PELI1: variants seen among roughly 807,000 people sequenced by gnomAD.
PELI1 encodes the protein E3 ubiquitin-protein ligase pellino homolog 1.
Under a neutral mutation model 41.3 loss-of-function variants are expected in PELI1, and 15 were observed. That is an observed-to-expected ratio of 0.36 (90% CI 0.24 to 0.56). The LOEUF (loss-of-function observed/expected upper bound fraction) is 0.56, where lower values mean the gene tolerates loss of function less well. Ranked by LOEUF, PELI1 falls within the 20% of genes least tolerant of loss-of-function variation. PELI1 has a pLI of 0.82. For synonymous variants in PELI1, 178 were observed against 180.1 expected (o/e 0.99, Z 0.09); for missense variants, 403 against 525.5 (o/e 0.77, Z 2.28).
chr2:64,095,167 G>C lies in PELI1; in HGVS notation c.792C>G (p.Thr264=). Reference sequence around the variant, plus strand: ...GTCTTAAAGCTTCTAAATGCTTCACGGTAGGAGTGTGGGAAAGGCCTTCTG... The same window carrying C: ...GTCTTAAAGCTTCTAAATGCTTCACCGTAGGAGTGTGGGAAAGGCCTTCTG... ...RTAEGLSHTP[T]VKHLEALRQE... is the part of the protein sequence containing the mutation. The change falls in exon 7 of 7, where the codon ACC becomes ACG. Residue 264 remains threonine (T), a synonymous_variant. Transcript: ENST00000358912. 4.3e-6 allele frequency: 7 copies of C among 1,614,030 alleles called. No homozygotes were observed. Among genetic ancestry groups the C allele is most frequent in the East Asian group, 2.2e-5 (1 of 44,882 alleles).
intron 1 of PELI1, among the ~76,000 whole-genome samples, chr2:64,116,817 T>C (rs1271730251): frequency 2.0e-5 from 3 of 152,232 alleles, no homozygotes; most frequent in African/African-American, 7.2e-5. Context: ...CAACCCTGCA[T>C]GGCCAAGTCT....
chr2:64,100,478 G>A lies in PELI1; in HGVS notation c.223C>T (p.His75Tyr), dbSNP rs1213965692. Reference protein sequence around the residue: ...AAKAISNKDQHSISYTLSRAQ... With the variant: ...AAKAISNKDQYSISYTLSRAQ... ...CGAGATAAAGTATATGATATGCTAT[G>A]CTGGTCTTTGTTGCTTATTGCCTAA... Residue 75 changes from histidine to tyrosine, a missense_variant, in exon 4 of 7, where the codon CAT becomes TAT. Coordinates refer to ENST00000358912, the MANE Select transcript of PELI1 (RefSeq NM_020651.4). 1 of 1,581,422 alleles carries A rather than the reference G, an allele frequency of 6.3e-7. No homozygotes were observed. Among genetic ancestry groups the A allele is most frequent in the South Asian group, 1.1e-5 (1 of 90,188 alleles).
chr2:64,110,247 GAA>G (rs796716135), intron 1 of PELI1, among the ~76,000 whole-genome samples: 4,887 of 100,676 alleles, frequency 0.049, 67 homozygotes, highest in Non-Finnish European at 0.072. Context: ...TCCGTCTCAA[GAA>G]AAAAAAAAAA....
At chr2:64,109,456 G>A (rs889630635) in intron 1 of PELI1, among the ~76,000 whole-genome samples, 1 of 151,954 alleles carries the variant, frequency 6.6e-6, no homozygotes, top group African/African-American at 2.4e-5. Flanking sequence ...CGAGGCAGGC[G>A]GATCACTTGA....
intron 1 of PELI1, among the ~76,000 whole-genome samples, chr2:64,119,745 T>C (rs1034946354): frequency 2.0e-5 from 3 of 151,978 alleles, no homozygotes; most frequent in Non-Finnish European, 2.9e-5. Context: ...CCAGAAAGAG[T>C]ATGATATTCC....
At chr2:64,138,711 G>C (rs1218657820) in intron 1 of PELI1, among the ~76,000 whole-genome samples, 1 of 152,126 alleles carries the variant, frequency 6.6e-6, no homozygotes, top group Non-Finnish European at 1.5e-5. Context: ...TGGGTGATGA[G>C]AGCAGAACTC....
In PELI1 at chr2:64,104,502, A is replaced by T. The variant is rs572489644; in HGVS notation, c.201+199T>A. On this transcript the variant is annotated intron_variant, in intron 3 of 6. Transcript: ENST00000358912. The stretch of plus-strand genomic sequence containing the variant: ...TTCCACCCACTGATCCTGGTTTGTC[A>T]TTTTTTTTTTAAAAGTCCAATTCCC... The T allele has an allele frequency of 2.2e-5, 16 of 717,640 alleles. No homozygotes were observed. The East Asian group carries it at 2.9e-4, about 13-fold the overall frequency. 44.5% of individuals were successfully genotyped at this position (717,640 alleles called of 1,614,324 possible). A position where few individuals can be genotyped will look rare whatever the true frequency, so the allele number is the denominator to read the frequency against.
chr2:64,096,064 C>G (rs771906733), intron 6 of PELI1, 61 bp downstream of exon 6: 53 of 1,136,552 alleles, frequency 4.7e-5, no homozygotes, highest in Admixed American at 2.8e-4. Flanking sequence ...GTAATGCATT[C>G]AGTTCTACTC....
chr2:64,097,959 C>T (rs893727989), intron 4 of PELI1, among the ~76,000 whole-genome samples: 1 of 151,734 alleles, frequency 6.6e-6, no homozygotes, highest in African/African-American at 2.4e-5. Flanking sequence ...AAAAAATATT[C>T]CCCCAAATAA....
intron 1 of PELI1, among the ~76,000 whole-genome samples, chr2:64,127,067 T>G (rs753406516): frequency 2.0e-5 from 3 of 152,188 alleles, no homozygotes; most frequent in African/African-American, 4.8e-5. Context: ...AAGAAAAATC[T>G]CTTTATACTC....
intron 1 of PELI1, among the ~76,000 whole-genome samples, chr2:64,139,846 A>T (rs1681840061): frequency 6.6e-6 from 1 of 152,212 alleles, no homozygotes; most frequent in South Asian, 2.1e-4. Context: ...AGTTTTCTAA[A>T]CACAGCACTC....
intron 1 of PELI1, among the ~76,000 whole-genome samples, chr2:64,126,791 G>A (rs1249440042): frequency 2.0e-5 from 3 of 151,738 alleles, no homozygotes; most frequent in Admixed American, 1.3e-4. Context: ...GAGACAGACC[G>A]GACTTTGATA....
At chr2:64,100,709 A>G (rs1231897958) in intron 3 of PELI1, among the ~76,000 whole-genome samples, 1 of 152,112 alleles carries the variant, frequency 6.6e-6, no homozygotes, top group Non-Finnish European at 1.5e-5. Context: ...AGAAGCAGTT[A>G]CAGAATAAAA....
intron 1 of PELI1, among the ~76,000 whole-genome samples, chr2:64,141,303 C>A (rs1681905933): frequency 9.0e-6 from 1 of 111,050 alleles, no homozygotes; most frequent in Non-Finnish European, 1.7e-5. Flanking sequence ...ACATGTTTCC[C>A]GCCCCCACCC....
intron 1 of PELI1, among the ~76,000 whole-genome samples, chr2:64,114,524 C>A (rs1680927106): frequency 6.6e-6 from 1 of 152,192 alleles, no homozygotes; most frequent in Non-Finnish European, 1.5e-5. Flanking sequence ...TCCCAAGATA[C>A]AGGACACCAC....
intron 1 of PELI1, among the ~76,000 whole-genome samples, chr2:64,140,810 A>AAAAAAAAAAAAAAAC (rs1558490182): frequency 4.1e-5 from 6 of 147,224 alleles, no homozygotes; most frequent in African/African-American, 1.5e-4. Context: ...CAAACAAACA[A>AAAAAAAAAAAAAAAC]AAAAAAACCT....
chr2:64,097,455 A>G (rs1001855540), intron 4 of PELI1, among the ~76,000 whole-genome samples: 12 of 152,230 alleles, frequency 7.9e-5, no homozygotes, highest in African/African-American at 2.9e-4. Context: ...CAGAGAGACA[A>G]GGTTCCCAGA....
intron 1 of PELI1, among the ~76,000 whole-genome samples, chr2:64,135,966 C>T (rs1681703605): frequency 6.6e-6 from 1 of 152,234 alleles, no homozygotes; most frequent in Non-Finnish European, 1.5e-5. Context: ...CTTATATTTA[C>T]TATTTTGTGA....
At chr2:64,142,624 G>A (rs915063499) in intron 1 of PELI1, among the ~76,000 whole-genome samples, 6 of 152,094 alleles carry the variant, frequency 3.9e-5, no homozygotes, top group African/African-American at 1.4e-4. Flanking sequence ...TGCTGTATTT[G>A]TACACTAAGA....
Sources: allele counts gnomAD v4.1 joint callset (sites outside exome capture counted in the v4.1 genomes callset), GRCh38; gene constraint gnomAD v4.1.1; transcripts MANE v1.5; gene names NCBI Gene and HGNC (gene_info 2026-07-23, HGNC 2026-07-21).